The following UBE2E2 variants were observed in gnomAD, a reference collection of about 807,000 sequenced individuals.
UBE2E2 encodes ubiquitin conjugating enzyme E2 E2, also known as ubiquitin-conjugating enzyme E2 E2.
UBE2E2 carries 6 observed loss-of-function variants against 24.7 expected under a neutral mutation model. That is an observed-to-expected ratio of 0.24 (90% CI 0.13 to 0.48). The LOEUF (loss-of-function observed/expected upper bound fraction) is 0.48, where lower values mean the gene tolerates loss of function less well. UBE2E2 is among the 20% of genes least tolerant of loss of function. The probability of loss-of-function intolerance (pLI) is 0.99; values close to 1 mark genes in which losing one functional copy is unlikely to be tolerated. For synonymous variants in UBE2E2, 104 were observed against 83.6 expected, an observed-to-expected ratio of 1.24 and a Z score of -1.33; for missense variants, 169 against 245.0, an observed-to-expected ratio of 0.69 and a Z score of 2.07.
At chr3:23,484,554 A>G (rs1054131077) in intron 3 of UBE2E2, among the ~76,000 whole-genome samples, 4 of 152,214 alleles carry the variant, frequency 2.6e-5, no homozygotes, top group African/African-American at 7.2e-5. Context: ...TTGGGAATCA[A>G]GAATGTTCTT....
intron 5 of UBE2E2, among the ~76,000 whole-genome samples, chr3:23,586,058 G>A (rs1696618945): frequency 6.6e-6 from 1 of 152,118 alleles, no homozygotes; most frequent in South Asian, 2.1e-4. Flanking sequence ...ATTTTCAGCA[G>A]AGATCCATTT....
chr3:23,333,611 CATTT>C (rs1267421271), intron 3 of UBE2E2, among the ~76,000 whole-genome samples: 3 of 152,058 alleles, frequency 2.0e-5, no homozygotes, highest in African/African-American at 7.2e-5. Context: ...TCCTAGCCTT[CATTT>C]GTTTCCATTA....
At chr3:23,329,838 T>G (rs1695011735) in intron 3 of UBE2E2, among the ~76,000 whole-genome samples, 1 of 152,208 alleles carries the variant, frequency 6.6e-6, no homozygotes. Flanking sequence ...ATTAATACAA[T>G]TTGTACTCTT....
At chr3:23,337,740 G>A (rs1437630441) in intron 3 of UBE2E2, among the ~76,000 whole-genome samples, 17 of 152,148 alleles carry the variant, frequency 1.1e-4, no homozygotes, top group Admixed American at 1.1e-3. Context: ...TAATATAGGT[G>A]GAATGTAGAG....
At chr3:23,243,623 G>C (rs982869847) in intron 3 of UBE2E2, among the ~76,000 whole-genome samples, 4 of 152,048 alleles carry the variant, frequency 2.6e-5, no homozygotes, top group Admixed American at 1.3e-4. Flanking sequence ...TAATTCTACT[G>C]TTCAGCCATA....
At chr3:23,515,183 A>G (rs1425118232) in intron 4 of UBE2E2, among the ~76,000 whole-genome samples, 1 of 151,968 alleles carries the variant, frequency 6.6e-6, no homozygotes, top group Non-Finnish European at 1.5e-5. Context: ...AGATACATAC[A>G]TATGTATAGA....
chr3:23,562,624 G>A (rs1245583468), intron 5 of UBE2E2, among the ~76,000 whole-genome samples: 1 of 152,128 alleles, frequency 6.6e-6, no homozygotes, highest in Non-Finnish European at 1.5e-5. Flanking sequence ...CTATTGATTG[G>A]AATAGTTTCA....
intron 3 of UBE2E2, among the ~76,000 whole-genome samples, chr3:23,232,424 G>A (rs1696999964): frequency 6.6e-6 from 1 of 152,150 alleles, no homozygotes. Context: ...CATACATTGA[G>A]TTCATCATCT....
At chr3:23,534,593 G>A (rs940645065) in intron 5 of UBE2E2, among the ~76,000 whole-genome samples, 6 of 152,056 alleles carry the variant, frequency 3.9e-5, no homozygotes, top group East Asian at 3.9e-4. Context: ...TTCCTAATTG[G>A]TTTTTATGAA....
intron 3 of UBE2E2, among the ~76,000 whole-genome samples, chr3:23,323,132 T>G (rs1398762797): frequency 6.6e-6 from 1 of 152,156 alleles, no homozygotes; most frequent in African/African-American, 2.4e-5. Flanking sequence ...TGTGCTGTAC[T>G]GTTGATAAAG....
At chr3:23,522,234 C>T (rs562902778) in intron 4 of UBE2E2, among the ~76,000 whole-genome samples, 4 of 150,336 alleles carry the variant, frequency 2.7e-5, no homozygotes, top group East Asian at 2.0e-4. Context: ...GGGTTCGCGC[C>T]GTTCTCCTGC....
chr3:23,425,114 A>T (rs1015337814), intron 3 of UBE2E2, among the ~76,000 whole-genome samples: 1 of 152,230 alleles, frequency 6.6e-6, no homozygotes. Context: ...ATTTTAAAGC[A>T]AATTCCAAGT....
chr3:23,285,292 G>T (rs779290491), intron 3 of UBE2E2, among the ~76,000 whole-genome samples: 5 of 152,120 alleles, frequency 3.3e-5, no homozygotes, highest in Non-Finnish European at 7.3e-5. Context: ...TGAACAGTTA[G>T]GTTGCTTCCA....
At chr3:23,245,468 A>G (rs1697370904) in intron 3 of UBE2E2, among the ~76,000 whole-genome samples, 1 of 152,164 alleles carries the variant, frequency 6.6e-6, no homozygotes, top group South Asian at 2.1e-4. Flanking sequence ...CTATTAAATC[A>G]TTATAAATGA....
intron 3 of UBE2E2, among the ~76,000 whole-genome samples, chr3:23,374,616 C>G (rs1268014909): frequency 6.6e-6 from 1 of 152,110 alleles, no homozygotes; most frequent in Non-Finnish European, 1.5e-5. Flanking sequence ...CATGTCTCCC[C>G]TTTCGGGATG....
intron 5 of UBE2E2, among the ~76,000 whole-genome samples, chr3:23,577,049 A>T (rs550198481): frequency 7.7e-4 from 117 of 151,822 alleles, no homozygotes; most frequent in African/African-American, 2.8e-3. Context: ...TTCAAACTTT[A>T]TTATTATATC....
At chr3:23,419,091 C>T (rs1301796504) in intron 3 of UBE2E2, among the ~76,000 whole-genome samples, 1 of 151,880 alleles carries the variant, frequency 6.6e-6, no homozygotes, top group African/African-American at 2.4e-5. Flanking sequence ...GTAGCTAAGA[C>T]TATAGGTGTG....
chr3:23,587,775 T>G (rs897879063), intron 5 of UBE2E2, among the ~76,000 whole-genome samples: 12 of 152,258 alleles, frequency 7.9e-5, no homozygotes, highest in Non-Finnish European at 1.6e-4. Flanking sequence ...TAAATCTTGT[T>G]GAATCTTGAC....
intron 3 of UBE2E2, among the ~76,000 whole-genome samples, chr3:23,488,439 C>T (rs1468634835): frequency 2.0e-5 from 3 of 152,156 alleles, no homozygotes; most frequent in Non-Finnish European, 4.4e-5. Flanking sequence ...TCAACTCCCA[C>T]TTATGAGTGA....
Sources: allele counts gnomAD v4.1 joint callset (sites outside exome capture counted in the v4.1 genomes callset), GRCh38; gene constraint gnomAD v4.1.1; transcripts MANE v1.5; gene names NCBI Gene and HGNC (gene_info 2026-07-23, HGNC 2026-07-21).